DNAI3: variants seen among roughly 807,000 people sequenced by gnomAD.
DNAI3 encodes the protein WD repeat domain 63.
In DNAI3, 83 loss-of-function variants were observed where a neutral mutation model predicts 115.5. The observed-to-expected ratio is 0.72, with a 90% CI of 0.60 to 0.86. The LOEUF (loss-of-function observed/expected upper bound fraction) is 0.86, where lower values mean the gene tolerates loss of function less well. DNAI3 is among the 40% of genes least tolerant of loss of function. The probability of loss-of-function intolerance (pLI) is 0.00; values close to 1 mark genes in which losing one functional copy is unlikely to be tolerated. For synonymous variants in DNAI3, 320 were observed against 347.0 expected (o/e 0.92, Z 0.86); for missense variants, 1,004 against 1,075.8 (o/e 0.93, Z 0.93).
At chr1:85,093,123 G>T (rs544106576) in intron 8 of DNAI3, among the ~76,000 whole-genome samples, 15 of 152,172 alleles carry the variant, frequency 9.9e-5, no homozygotes, top group Non-Finnish European at 1.9e-4. Context: ...CCAGAGCAAA[G>T]ATGCCTGCTG....
At chr1:85,112,931 G>T (rs1344385457) in intron 16 of DNAI3, among the ~76,000 whole-genome samples, 2 of 152,118 alleles carry the variant, frequency 1.3e-5, no homozygotes, top group East Asian at 3.9e-4. Flanking sequence ...ACCAAGCCCA[G>T]CTAATTTTCA....
chr1:85,111,761 G>C (rs1000335262), intron 16 of DNAI3, among the ~76,000 whole-genome samples: 3 of 152,094 alleles, frequency 2.0e-5, no homozygotes, highest in Non-Finnish European at 4.4e-5. Context: ...AGTGTGAGGG[G>C]TTTTTATTCA....
chr1:85,120,091 A>C (rs1390664549), intron 17 of DNAI3, among the ~76,000 whole-genome samples: 1 of 152,172 alleles, frequency 6.6e-6, no homozygotes, highest in Non-Finnish European at 1.5e-5. Context: ...ACAGATACTC[A>C]CTGCACATTT....
chr1:85,129,401 T>G (rs983267454), intron 21 of DNAI3, among the ~76,000 whole-genome samples: 1 of 151,774 alleles, frequency 6.6e-6, no homozygotes, highest in Non-Finnish European at 1.5e-5. Flanking sequence ...GGCAAAAGGC[T>G]GTCTCTGCCC....
chr1:85,093,114 C>G (rs1418684640), intron 8 of DNAI3, among the ~76,000 whole-genome samples: 4 of 152,152 alleles, frequency 2.6e-5, no homozygotes, highest in Non-Finnish European at 4.4e-5. Flanking sequence ...GCAGGAGCTC[C>G]AGAGCAAAGA....
chr1:85,066,451 C>T (rs990376814), intron 1 of DNAI3, among the ~76,000 whole-genome samples: 4 of 150,840 alleles, frequency 2.7e-5, no homozygotes, highest in Non-Finnish European at 4.4e-5. Context: ...CTCAGCCTCC[C>T]GAGTAGCTGA....
intron 1 of DNAI3, among the ~76,000 whole-genome samples, chr1:85,067,961 T>C (rs561667682): frequency 3.0e-4 from 46 of 152,214 alleles, no homozygotes; most frequent in Non-Finnish European, 5.6e-4. Context: ...TGTGTAGTTT[T>C]AAGTCACAAA....
intron 16 of DNAI3, among the ~76,000 whole-genome samples, chr1:85,112,338 C>T (rs1655684717): frequency 6.6e-6 from 1 of 152,178 alleles, no homozygotes; most frequent in African/African-American, 2.4e-5. Flanking sequence ...ATCCATTCAC[C>T]TGTTGATAAA....
chr1:85,093,844 G>C (rs538410820), intron 9 of DNAI3, 196 bp downstream of exon 9: 7 of 703,548 alleles, frequency 9.9e-6, no homozygotes, highest in Non-Finnish European at 1.8e-5. Flanking sequence ...ATACACACCT[G>C]TCATTATCTC....
At chr1:85,102,368 A>G (rs978073819) in intron 13 of DNAI3, among the ~76,000 whole-genome samples, 4 of 152,204 alleles carry the variant, frequency 2.6e-5, no homozygotes, top group African/African-American at 7.2e-5. Flanking sequence ...TAAAAAGTAA[A>G]GAAGAAATAA....
rs543043125 is a variant in DNAI3, at chr1:85,104,511, T to G, written c.1480-13T>G. On this transcript the variant is annotated splice_polypyrimidine_tract_variant and intron_variant, in intron 13 of 22. Coordinates refer to ENST00000294664, the MANE Select transcript of DNAI3 (RefSeq NM_145172.5). The stretch of plus-strand genomic sequence containing the variant: ...AAAAACAATTTTATTTCTCTTTCAT[T>G]TTTGAAAAATAGATTAACAGAATGG... The G allele has an allele frequency of 3.8e-5, 61 of 1,611,232 alleles. No individual in the cohort carries two copies. The highest frequency in any genetic ancestry group is 4.2e-6 in the Non-Finnish European group (5 of 1,177,804).
intron 18 of DNAI3, 90 bp downstream of exon 18, chr1:85,121,904 G>A (rs1656004768): frequency 7.1e-7 from 1 of 1,415,642 alleles, no homozygotes; most frequent in Non-Finnish European, 9.9e-7. Context: ...AGTCACCCTG[G>A]TCTTGCTAAT....
chr1:85,096,479 TTA>T (rs147746001), intron 11 of DNAI3, among the ~76,000 whole-genome samples: 7,539 of 146,560 alleles, frequency 0.051, 261 homozygotes, highest in East Asian at 0.15. Context: ...TATAGATAGA[TTA>T]TATATATATA....
chr1:85,107,493 A>G (rs567471436), intron 14 of DNAI3, among the ~76,000 whole-genome samples: 1 of 152,330 alleles, frequency 6.6e-6, no homozygotes, highest in African/African-American at 2.4e-5. Context: ...AAAAGACCAT[A>G]TATGATTCAT....
chr1:85,084,489 TAA>T, intron 5 of DNAI3, 55 bp from the exon 6 acceptor site: 1 of 1,199,874 alleles, frequency 8.3e-7, no homozygotes, highest in Non-Finnish European at 1.1e-6. Flanking sequence ...TATATATATA[TAA>T]AGCTATAACC....
chr1:85,096,498 TTATA>T (rs539727425), intron 11 of DNAI3, among the ~76,000 whole-genome samples: 1 of 140,358 alleles, frequency 7.1e-6, no homozygotes, highest in East Asian at 2.1e-4. Flanking sequence ...TATATAAAGA[TTATA>T]TATAAAGATT....
intron 8 of DNAI3, 94 bp from the exon 9 acceptor site, chr1:85,093,364 A>C: frequency 9.2e-7 from 1 of 1,081,520 alleles, no homozygotes; most frequent in Non-Finnish European, 1.3e-6. Context: ...TTTTTTGTTC[A>C]GTATAAATGA....
At chr1:85,099,817 G>A (rs940606849) in intron 13 of DNAI3, among the ~76,000 whole-genome samples, 21 of 152,194 alleles carry the variant, frequency 1.4e-4, no homozygotes, top group Non-Finnish European at 2.8e-4. Context: ...AAATAATGCC[G>A]CATATCTACA....
chr1:85,082,354 C>G lies in DNAI3; in HGVS notation c.340C>G (p.Leu114Val). The G allele has an allele frequency of 6.2e-7, 1 of 1,613,868 alleles. No individual in the cohort carries two copies. The highest frequency in any genetic ancestry group is 1.1e-5 in the South Asian group (1 of 91,050). ...LVYDKDFKYG[L>V]NFYLIATEEG... ...TTATGACAAAGACTTCAAATATGGA[C>G]TTAACTTTTATCTTATTGCAACTGA... is the stretch of plus-strand genomic sequence containing the variant. The change falls in exon 5 of 23, where the codon CTT (leucine) becomes GTT (valine). Residue 114 changes from leucine (L) to valine (V), a missense_variant. Physicochemically the swap from Leu to Val is conservative, Grantham distance 32. This residue lies in a region of DNAI3 where 550 missense variants were observed against 568.1 expected (regional missense o/e 0.97). Transcript: ENST00000294664.
Sources: allele counts gnomAD v4.1 joint callset (sites outside exome capture counted in the v4.1 genomes callset), GRCh38; gene constraint gnomAD v4.1.1; regional missense constraint gnomAD v4.1.1; transcripts MANE v1.5; gene names NCBI Gene and HGNC (gene_info 2026-07-23, HGNC 2026-07-21).